Variants in ARHGAP26 observed in about 807,000 individuals in gnomAD.
ARHGAP26 encodes the protein rho GTPase-activating protein 26.
In ARHGAP26, 38 loss-of-function variants were observed where a neutral mutation model predicts 104.8. The observed-to-expected ratio is 0.36, with a 90% CI of 0.28 to 0.48. ARHGAP26 has a LOEUF of 0.48. Among genes scored for constraint, ARHGAP26 ranks in the 20% least tolerant of loss-of-function variants. The pLI is 0.99. For missense variants in ARHGAP26, 704 were observed against 947.9 expected, an observed-to-expected ratio of 0.74 and a Z score of 3.38; for synonymous variants, 341 against 340.0, an observed-to-expected ratio of 1.00 and a Z score of -0.03.
At chr5:142,837,000 A>T (rs1769703482) in intron 1 of ARHGAP26, among the ~76,000 whole-genome samples, 1 of 152,188 alleles carries the variant, frequency 6.6e-6, no homozygotes, top group African/African-American at 2.4e-5. Flanking sequence ...TACCCCATTG[A>T]TGTGTCCTTC....
chr5:142,782,406 G>A (rs1393968588), intron 1 of ARHGAP26, among the ~76,000 whole-genome samples: 2 of 152,152 alleles, frequency 1.3e-5, no homozygotes, highest in African/African-American at 4.8e-5. Context: ...AGCCTCTGCT[G>A]TCCATTGAAA....
chr5:142,979,228 G>A lies in ARHGAP26; in HGVS notation c.1108-34852G>A, dbSNP rs142692869. Among the ~76,000 whole-genome samples the A allele has an allele frequency of 3.9e-3, 588 of 152,282 alleles. 6 individuals carry two copies. Among genetic ancestry groups the A allele is most frequent in the Middle Eastern group, 0.024 (7 of 294 alleles). On this transcript the variant is annotated intron_variant, in intron 11 of 22. Coordinates refer to ENST00000645722, the MANE Select transcript of ARHGAP26 (RefSeq NM_001135608.3). ...TAGGAGAGAAGTTTGTCTTTTTAAT[G>A]TTTCTACTTTCTGCCTCCTTAATAA...
chr5:142,778,810 C>G (rs575876347), intron 1 of ARHGAP26, among the ~76,000 whole-genome samples: 1 of 152,110 alleles, frequency 6.6e-6, no homozygotes, highest in Non-Finnish European at 1.5e-5. Context: ...TCCTTGTAGC[C>G]GGTTGATAAT....
At chr5:142,791,828 G>C (rs1759883024) in intron 1 of ARHGAP26, among the ~76,000 whole-genome samples, 1 of 151,598 alleles carries the variant, frequency 6.6e-6, no homozygotes, top group African/African-American at 2.4e-5. Context: ...GCCAGGCATG[G>C]TGGCACGCGC....
At chr5:143,181,722 T>C (rs543601227) in intron 20 of ARHGAP26, among the ~76,000 whole-genome samples, 2 of 152,384 alleles carry the variant, frequency 1.3e-5, no homozygotes, top group East Asian at 1.9e-4. Flanking sequence ...AGAGGAACTT[T>C]AGCTCCGCAC....
At chr5:143,180,621 A>G (rs1214552694) in intron 20 of ARHGAP26, among the ~76,000 whole-genome samples, 2 of 152,126 alleles carry the variant, frequency 1.3e-5, no homozygotes, top group African/African-American at 4.8e-5. Flanking sequence ...ACGAGAAGAG[A>G]CATGTCTTAT....
At chr5:142,965,544 C>T (rs1242333673) in intron 11 of ARHGAP26, among the ~76,000 whole-genome samples, 1 of 152,230 alleles carries the variant, frequency 6.6e-6, no homozygotes, top group South Asian at 2.1e-4. Flanking sequence ...TATGTCCCCT[C>T]AGCTCCTATC....
At chr5:142,781,783 C>A (rs1032689961) in intron 1 of ARHGAP26, among the ~76,000 whole-genome samples, 2 of 152,174 alleles carry the variant, frequency 1.3e-5, no homozygotes, top group African/African-American at 4.8e-5. Context: ...ATTATCTTGG[C>A]TCACTGCAAC....
chr5:142,975,393 T>C (rs1349645038), intron 11 of ARHGAP26, among the ~76,000 whole-genome samples: 2 of 121,568 alleles, frequency 1.6e-5, no homozygotes, highest in African/African-American at 6.1e-5. Context: ...CCTGCTTTCA[T>C]CTTGCTGGTG....
chr5:142,772,986 G>A, intron 1 of ARHGAP26: 5 of 484,732 alleles, frequency 1.0e-5, no homozygotes, highest in South Asian at 7.8e-5. Flanking sequence ...CCTGTAATCT[G>A]GAGGAAAGAC....
At chr5:143,155,660 C>T (rs772371498) in intron 20 of ARHGAP26, among the ~76,000 whole-genome samples, 120 of 152,310 alleles carry the variant, frequency 7.9e-4, no homozygotes, top group Non-Finnish European at 1.5e-3. Flanking sequence ...GAGGTAAGGG[C>T]AGAGCGCCGT....
intron 11 of ARHGAP26, among the ~76,000 whole-genome samples, chr5:143,002,779 C>T (rs766284675): frequency 6.6e-6 from 1 of 152,166 alleles, no homozygotes; most frequent in African/African-American, 2.4e-5. Flanking sequence ...GGCTGTGACT[C>T]CAATCTTCGG....
At chr5:143,097,821 C>CAAAAAAAA (rs35803857) in intron 17 of ARHGAP26, among the ~76,000 whole-genome samples, 1 of 121,100 alleles carries the variant, frequency 8.3e-6, no homozygotes. Flanking sequence ...GACTCCAACT[C>CAAAAAAAA]AAAAAAAAAA....
At chr5:143,140,191 A>G (rs1352264691) in intron 19 of ARHGAP26, among the ~76,000 whole-genome samples, 1 of 152,170 alleles carries the variant, frequency 6.6e-6, no homozygotes, top group African/African-American at 2.4e-5. Context: ...TGCTAACTCA[A>G]TTTAGAGAAG....
At chr5:142,779,873 A>G (rs1467819061) in intron 1 of ARHGAP26, among the ~76,000 whole-genome samples, 4 of 152,262 alleles carry the variant, frequency 2.6e-5, no homozygotes, top group African/African-American at 9.6e-5. Flanking sequence ...ATATTAGTCG[A>G]ACAAATAAAA....
chr5:143,153,074 T>C (rs781077529), intron 20 of ARHGAP26, among the ~76,000 whole-genome samples: 4 of 152,090 alleles, frequency 2.6e-5, no homozygotes, highest in South Asian at 2.1e-4. Flanking sequence ...TCTGCATGAA[T>C]AGAAAGGTAT....
At chr5:143,111,248 T>C (rs1207473905) in intron 17 of ARHGAP26, among the ~76,000 whole-genome samples, 2 of 152,252 alleles carry the variant, frequency 1.3e-5, no homozygotes, top group Admixed American at 1.3e-4. Context: ...TTAGGCCATG[T>C]AGAAAAGAAG....
intron 11 of ARHGAP26, among the ~76,000 whole-genome samples, chr5:143,005,477 G>T (rs948079532): frequency 7.9e-5 from 12 of 152,254 alleles, no homozygotes; most frequent in African/African-American, 2.9e-4. Flanking sequence ...CAAACCTGAA[G>T]ATGGAGTTGG....
intron 1 of ARHGAP26, among the ~76,000 whole-genome samples, chr5:142,839,084 A>G (rs930225309): frequency 1.3e-5 from 2 of 152,258 alleles, no homozygotes; most frequent in African/African-American, 4.8e-5. Flanking sequence ...GAGTATAACC[A>G]GGGATCTGCA....
Sources: gnomAD v4.1 joint callset for allele counts (sites outside exome capture counted in the v4.1 genomes callset) on GRCh38, gnomAD v4.1.1 for gene constraint, MANE v1.5 for transcripts, NCBI Gene and HGNC (gene_info 2026-07-23, HGNC 2026-07-21) for gene names.